CD55: variants seen among roughly 807,000 people sequenced by gnomAD.
CD55 encodes complement decay-accelerating factor.
In CD55, 41 loss-of-function variants were observed where a neutral mutation model predicts 45.8. The ratio of observed to expected loss-of-function variants is 0.90; its 90% confidence interval spans 0.70 to 1.16. The LOEUF (loss-of-function observed/expected upper bound fraction) is 1.16, where lower values mean the gene tolerates loss of function less well. CD55 is among the 50% of genes most tolerant of loss of function. CD55 has a pLI of 0.00. For missense variants in CD55, 416 were observed against 469.8 expected (o/e 0.89, Z 1.06); for synonymous variants, 181 against 181.1 (o/e 1.00, Z 0.01).
Position 207,324,754 on chromosome 1 carries a change from A to G in CD55, c.478+4A>G. On this transcript the variant is annotated splice_donor_region_variant and intron_variant, in intron 3 of 9. Transcript: ENST00000367064. ...ACAGCAGTCGAATTTTGTAAAAGTG[A>G]GTAAAATTTTTTAAAGTATTTTCAA... The G allele has an allele frequency of 1.3e-6, 2 of 1,587,790 alleles. No homozygotes were observed. The highest frequency in any genetic ancestry group is 1.7e-6 in the Non-Finnish European group (2 of 1,166,070).
intron 9 of CD55, among the ~76,000 whole-genome samples, chr1:207,348,397 C>A (rs891991831): frequency 6.6e-6 from 1 of 151,876 alleles, no homozygotes; most frequent in African/African-American, 2.4e-5. Flanking sequence ...ATGTCCTTTG[C>A]CCATTTTTTA....
intron 9 of CD55, among the ~76,000 whole-genome samples, chr1:207,341,185 G>A (rs1473858864): frequency 6.6e-6 from 1 of 152,138 alleles, no homozygotes; most frequent in African/African-American, 2.4e-5. Flanking sequence ...CAGATGAATA[G>A]TTTATAGATA....
chr1:207,332,507 TGTG>T (rs1209303029), intron 6 of CD55, among the ~76,000 whole-genome samples: 1 of 152,224 alleles, frequency 6.6e-6, no homozygotes, highest in Non-Finnish European at 1.5e-5. Context: ...ACAACATCAT[TGTG>T]GTGTTTGCAC....
chr1:207,342,910 C>G (rs1210800124), intron 9 of CD55, among the ~76,000 whole-genome samples: 2 of 152,090 alleles, frequency 1.3e-5, no homozygotes, highest in Non-Finnish European at 2.9e-5. Flanking sequence ...CTGTTTCTTC[C>G]TGACTCAGTC....
chr1:207,331,474 TACAC>T (rs5780384), intron 6 of CD55, among the ~76,000 whole-genome samples, 178 bp downstream of exon 6: 5 of 151,342 alleles, frequency 3.3e-5, no homozygotes, highest in Non-Finnish European at 5.9e-5. Context: ...ATGGCTTGTA[TACAC>T]ACACACACAC....
At chr1:207,344,165 G>T (rs1279614394) in intron 9 of CD55, among the ~76,000 whole-genome samples, 1 of 152,130 alleles carries the variant, frequency 6.6e-6, no homozygotes, top group East Asian at 1.9e-4. Flanking sequence ...TACATTCAGG[G>T]TTATTGATAT....
Position 207,324,667 on chromosome 1 carries a change from G to T in CD55, c.395G>T (p.Gly132Val). The T allele has an allele frequency of 6.2e-7, 1 of 1,613,122 alleles. No individual in the cohort carries two copies. Among genetic ancestry groups the T allele is most frequent in the Non-Finnish European group, 8.5e-7 (1 of 1,179,456 alleles). ...GTTGTGGAATATGAGTGCCGTCCAG[G>T]TTACAGAAGAGAACCTTCTCTATCA... Reference protein sequence around the residue: ...GTVVEYECRPGYRREPSLSPK... With the variant: ...GTVVEYECRPVYRREPSLSPK... The change falls in exon 3 of 10, where the codon GGT (glycine) becomes GTT (valine). Residue 132 changes from glycine (G) to valine (V), a missense_variant. Gly to Val is a moderately radical substitution (Grantham distance 109, BLOSUM62 -3). Transcript: ENST00000367064.
chr1:207,333,531 A>T (rs1655041955), intron 6 of CD55, among the ~76,000 whole-genome samples: 1 of 152,252 alleles, frequency 6.6e-6, no homozygotes, highest in South Asian at 2.1e-4. Context: ...GGCATACAAC[A>T]AAAGACTGTT....
chr1:207,344,827 C>G (rs1232220703), intron 9 of CD55, among the ~76,000 whole-genome samples: 1 of 152,102 alleles, frequency 6.6e-6, no homozygotes, highest in Non-Finnish European at 1.5e-5. Flanking sequence ...ATTCTCCCAC[C>G]TCAGCCTCCT....
In CD55 at chr1:207,321,755, C is replaced by A; in HGVS notation, c.-11C>A. On this transcript the variant is annotated 5_prime_UTR_variant, in exon 1 of 10. Coordinates refer to ENST00000367064, the MANE Select transcript of CD55 (RefSeq NM_000574.5). ...TCCCGGCGGCGCGTCCTTGTTCTAA[C>A]CCGGCGCGCCATGACCGTCGCGCGG... The A allele has an allele frequency of 6.6e-7, 1 of 1,508,128 alleles. No individual in the cohort carries two copies. Among genetic ancestry groups the A allele is most frequent in the South Asian group, 1.2e-5 (1 of 80,868 alleles). 93.4% of individuals were successfully genotyped at this position (1,508,128 alleles called of 1,614,324 possible).
intron 9 of CD55, among the ~76,000 whole-genome samples, chr1:207,344,812 A>C (rs1295063428): frequency 6.6e-6 from 1 of 151,852 alleles, no homozygotes; most frequent in Non-Finnish European, 1.5e-5. Flanking sequence ...TCCCAAGTTC[A>C]AGCGATTCTC....
At chr1:207,346,751 G>A (rs895791811) in intron 9 of CD55, among the ~76,000 whole-genome samples, 17 of 152,252 alleles carry the variant, frequency 1.1e-4, no homozygotes, top group African/African-American at 3.9e-4. Flanking sequence ...GGAGGGGCTG[G>A]GCTCTCAAAA....
At chr1:207,324,448 T>C (rs1157535610) in intron 2 of CD55, 111 bp from the exon 3 acceptor site, 6 of 600,182 alleles carry the variant, frequency 1.0e-5, no homozygotes, top group Admixed American at 3.4e-5. Flanking sequence ...GTACTAAATA[T>C]GCGCAAAGCA....
intron 9 of CD55, among the ~76,000 whole-genome samples, chr1:207,342,080 T>C (rs963946113): frequency 5.9e-5 from 9 of 152,196 alleles, no homozygotes; most frequent in African/African-American, 1.7e-4. Flanking sequence ...GATTTTTGTA[T>C]GTTGATCTTG....
chr1:207,350,136 A>G, intron 9 of CD55: 1 of 454,112 alleles, frequency 2.2e-6, no homozygotes, highest in Middle Eastern at 3.3e-4. Context: ...TTTTGTTTGT[A>G]GTTCTGTTTA....
At chr1:207,354,167 A>G (rs1655995887) in intron 9 of CD55, 8 of 1,419,870 alleles carry the variant, frequency 5.6e-6, no homozygotes, top group Non-Finnish European at 7.4e-6. Flanking sequence ...TTAATGTAGT[A>G]TCTGTCTAAT....
chr1:207,330,956 G>A (rs1174044505), intron 5 of CD55, 152 bp from the exon 6 acceptor site: 12 of 610,550 alleles, frequency 2.0e-5, no homozygotes. Flanking sequence ...TACTTAATAG[G>A]CATTTATAAG....
At chr1:207,324,060 C>G (rs1047687064) in intron 2 of CD55, among the ~76,000 whole-genome samples, 2 of 152,110 alleles carry the variant, frequency 1.3e-5, no homozygotes, top group African/African-American at 4.8e-5. Context: ...TGTGGGCAAT[C>G]TGTTTACAGG....
chr1:207,345,767 CAGTT>C (rs1655607233), intron 9 of CD55, among the ~76,000 whole-genome samples: 2 of 152,100 alleles, frequency 1.3e-5, no homozygotes, highest in Non-Finnish European at 1.5e-5. Flanking sequence ...TTTATGGTGT[CAGTT>C]AGGTGGGGCA....
Sources: gnomAD v4.1 joint callset for allele counts (sites outside exome capture counted in the v4.1 genomes callset) on GRCh38, gnomAD v4.1.1 for gene constraint, MANE v1.5 for transcripts, NCBI Gene and HGNC (gene_info 2026-07-23, HGNC 2026-07-21) for gene names.